Variants in AP3B2 observed in about 807,000 individuals in gnomAD.
AP3B2 encodes adaptor related protein complex 3 subunit beta 2, also known as AP-3 complex subunit beta-2.
AP3B2 carries 50 observed loss-of-function variants against 126.9 expected under a neutral mutation model. That is an observed-to-expected ratio of 0.39 (90% confidence interval 0.31 to 0.50). The LOEUF is 0.50. AP3B2 is among the 20% of genes least tolerant of loss of function. The pLI is 0.79. For missense variants in AP3B2, 1,177 were observed against 1,426.4 expected (o/e 0.83, Z 2.82); for synonymous variants, 541 against 565.0 (o/e 0.96, Z 0.60).
At chr15:82,678,255 A>C (rs999215690) in intron 10 of AP3B2, 88 bp from the exon 11 acceptor site, 24 of 1,255,928 alleles carry the variant, frequency 1.9e-5, no homozygotes, top group Non-Finnish European at 2.7e-5. Flanking sequence ...CATAGACCAG[A>C]AAACAATCCT....
In AP3B2 at chr15:82,662,767, G is replaced by GGTATCAGA; in HGVS notation, c.2752_2759dup (p.Pro921LeufsTer39). Reference sequence around the variant, plus strand: ...TGCCCACATGCAGGCCCTTGATGGGGGTATCAGAGCTGTTGGAGAAGTGGA... The same window carrying GGTATCAGA: ...TGCCCACATGCAGGCCCTTGATGGGGGTATCAGAGTATCAGAGCTGTTGGAGAAGTGGA... On this transcript the variant is annotated frameshift_variant, in exon 23 of 27. Coordinates refer to ENST00000535359, the MANE Select transcript of AP3B2 (RefSeq NM_001278512.2). LOFTEE classifies it high-confidence loss of function. 6.2e-7 allele frequency: 1 copy of GGTATCAGA among 1,613,860 alleles called. No homozygotes were observed. Among genetic ancestry groups the GGTATCAGA allele is most frequent in the East Asian group, 2.2e-5 (1 of 44,880 alleles).
intron 1 of AP3B2, among the ~76,000 whole-genome samples, chr15:82,701,882 T>C (rs1051335374): frequency 6.6e-6 from 1 of 152,210 alleles, no homozygotes; most frequent in African/African-American, 2.4e-5. Flanking sequence ...AGAAAGGAAT[T>C]GAGCTCTTCT....
chr15:82,685,039 TG>T (rs2048403324), intron 4 of AP3B2: 1 of 152,168 alleles, frequency 6.6e-6, no homozygotes, highest in Non-Finnish European at 1.5e-5. Context: ...TCTCAGGGAA[TG>T]AAGAGGCCCA....
intron 1 of AP3B2, chr15:82,692,491 T>C: frequency 4.3e-6 from 1 of 232,724 alleles, no homozygotes; most frequent in South Asian, 8.1e-5. Flanking sequence ...AGGAAATGAA[T>C]GTAGCCAGAA....
rs746132032 is a variant in AP3B2 at position 82,662,857 on chromosome 15, C to T, written c.2670G>A (p.Leu890=). Residue 890 remains leucine (L), a synonymous_variant, in exon 23 of 27, where the codon CTG becomes CTA. Transcript: ENST00000535359. ...ELLHRVAGEG[L]AVDYTFSRQP... is the part of the protein sequence containing the mutation. ...GGCGGCTGAAGGTGTAGTCCACAGC[C>T]AGCCCCTCGCCAGCTACCCGGTGCA... 1 of 1,613,718 alleles carries T rather than the reference C, an allele frequency of 6.2e-7. No homozygotes were observed. Among genetic ancestry groups the T allele is most frequent in the Non-Finnish European group, 8.5e-7 (1 of 1,179,824 alleles).
chr15:82,671,697 C>T (rs974022025), intron 14 of AP3B2, among the ~76,000 whole-genome samples: 6 of 151,404 alleles, frequency 4.0e-5, no homozygotes, highest in South Asian at 2.1e-4. Context: ...GGCAAGATCA[C>T]GCCATTGCAC....
At chr15:82,704,074 T>C (rs538563532) in intron 1 of AP3B2, among the ~76,000 whole-genome samples, 1 of 152,296 alleles carries the variant, frequency 6.6e-6, no homozygotes, top group African/African-American at 2.4e-5. Flanking sequence ...GCTAAAGGCA[T>C]AGTCAAGGTT....
At chr15:82,700,397 C>CTTTTTTTTTGTTTTTTTTTTTTTTT (rs2048700379) in intron 1 of AP3B2, among the ~76,000 whole-genome samples, 1 of 35,086 alleles carries the variant, frequency 2.9e-5, no homozygotes, top group East Asian at 1.2e-3. Context: ...TGGTGGGTGG[C>CTTTTTTTTTGTTTTTTTTTTTTTTT]TTTTTTTTTT....
In AP3B2 at chr15:82,681,548, G is replaced by T; in HGVS notation, c.393C>A (p.Leu131=). 6.2e-7 allele frequency: 1 copy of T among 1,613,878 alleles called. No homozygotes were observed. Among genetic ancestry groups the T allele is most frequent in the Non-Finnish European group, 8.5e-7 (1 of 1,179,868 alleles). The stretch of plus-strand genomic sequence containing the variant: ...GCACACGGATGCTAGAGAGGACACG[G>T]AGGGCACTGGCACGAATCAGCTGGT... The part of the protein sequence containing the change: ...DPNQLIRASA[L]RVLSSIRVPI... Residue 131 remains leucine (L), a synonymous_variant, in exon 5 of 27, where the codon CTC becomes CTA. Transcript: ENST00000535359. This position sits in a 1 kb window ranked among gnomAD's most constrained non-coding sequence, Gnocchi z 4.0.
intron 14 of AP3B2, among the ~76,000 whole-genome samples, chr15:82,675,105 C>T (rs1394911695): frequency 3.9e-5 from 6 of 152,128 alleles, no homozygotes; most frequent in Non-Finnish European, 5.9e-5. Flanking sequence ...ATTTTTTCAA[C>T]GATTGAACGC....
Position 82,664,723 on chromosome 15 carries a change from C to A in AP3B2, c.2137+112G>T. ...ATCCCTCAGGTGCACAAACAATTCA[C>A]AAGCAGGTGCACACCCCTAGACACA... On this transcript the variant is annotated intron_variant, in intron 18 of 26. Transcript: ENST00000535359. The surrounding 1 kb of genome is among the most constrained non-coding windows in gnomAD (Gnocchi z 4.5). The A allele has an allele frequency of 1.0e-6, 1 of 959,944 alleles. No individual in the cohort carries two copies. Among genetic ancestry groups the A allele is most frequent in the Non-Finnish European group, 1.6e-6 (1 of 643,450 alleles). 59.5% of individuals were successfully genotyped at this position (959,944 alleles called of 1,614,324 possible). A position where few individuals can be genotyped will look rare whatever the true frequency, so the allele number is the denominator to read the frequency against.
At chr15:82,683,703 C>G (rs527361987) in intron 4 of AP3B2, among the ~76,000 whole-genome samples, 1 of 152,276 alleles carries the variant, frequency 6.6e-6, no homozygotes, top group Admixed American at 6.5e-5. Flanking sequence ...TTTCAATTTA[C>G]TTTGTCCAGA....
chr15:82,705,745 C>T (rs1048872542), intron 1 of AP3B2, among the ~76,000 whole-genome samples: 15 of 152,162 alleles, frequency 9.9e-5, no homozygotes, highest in African/African-American at 3.4e-4. Flanking sequence ...GGCTAATCTC[C>T]CGAACCCCAA....
intron 1 of AP3B2, among the ~76,000 whole-genome samples, chr15:82,706,195 T>G (rs2048793126): frequency 6.6e-6 from 1 of 152,154 alleles, no homozygotes; most frequent in Admixed American, 6.5e-5. Context: ...TTCTCATAAC[T>G]TCCAAAATCT....
chr15:82,697,878 T>G (rs953668165), intron 1 of AP3B2: 1 of 152,314 alleles, frequency 6.6e-6, no homozygotes. Flanking sequence ...CAGACCAGAC[T>G]GTTGAGTTTC....
intron 10 of AP3B2, among the ~76,000 whole-genome samples, chr15:82,678,731 G>A (rs1434320474): frequency 1.3e-5 from 2 of 152,098 alleles, no homozygotes; most frequent in Non-Finnish European, 2.9e-5. Flanking sequence ...TGCCCTTATA[G>A]CTCTCCACAC....
Position 82,665,470 on chromosome 15 carries a change from A to G in AP3B2, c.1958T>C (p.Val653Ala), listed in dbSNP as rs2048041317. The G allele has an allele frequency of 6.2e-7, 1 of 1,612,872 alleles. No individual in the cohort carries two copies. Residue 653 changes from valine to alanine, a missense_variant, in exon 16 of 27, where the codon GTG (valine) becomes GCG (alanine). Around this residue, in one of 5 missense-constraint regions of AP3B2, gnomAD observed 587 missense variants for 571.3 expected, o/e 1.03. Transcript: ENST00000535359. This position sits in a 1 kb window ranked among gnomAD's most constrained non-coding sequence, Gnocchi z 4.4. ...DWPEEAPDPS[V>A]RNVEEEDLSL... Reference sequence around the variant, plus strand: ...CACCCCGCTGACCTCCACGTTGCGCACAGATGGGTCTGGGGCTTCCTCCGG... The same window carrying G: ...CACCCCGCTGACCTCCACGTTGCGCGCAGATGGGTCTGGGGCTTCCTCCGG...
intron 14 of AP3B2, among the ~76,000 whole-genome samples, chr15:82,670,105 T>TC (rs1333829913): frequency 8.9e-6 from 1 of 112,544 alleles, no homozygotes; most frequent in Admixed American, 8.3e-5. Context: ...AGTGGCTTTT[T>TC]TTTTTTTGGC....
rs144227237 is a variant in AP3B2 at position 82,668,816 on chromosome 15, A to G, written c.1666-1883T>C. Among the ~76,000 whole-genome samples the G allele has an allele frequency of 6.3e-4, 96 of 152,224 alleles. No individual in the cohort carries two copies. In the East Asian group the frequency reaches 0.017, roughly 27 times the overall value. ...CTGAGATACACTCCAGTGTGCCAAG[A>G]ACAGAACAAGGCTCCCCCTCACCAA... is the stretch of plus-strand genomic sequence containing the variant. On this transcript the variant is annotated intron_variant, in intron 14 of 26. Transcript: ENST00000535359.
Sources: allele counts gnomAD v4.1 joint callset (sites outside exome capture counted in the v4.1 genomes callset), GRCh38; gene constraint gnomAD v4.1.1; regional missense constraint gnomAD v4.1.1; non-coding constraint Gnocchi (gnomAD v3.1); transcripts MANE v1.5; gene names NCBI Gene and HGNC (gene_info 2026-07-23, HGNC 2026-07-21).